Variants in SGPP2 observed in about 807,000 individuals in gnomAD.
SGPP2 encodes sphingosine-1-phosphate phosphatase 2, also known as sphingosine 1-phosphate phosphohydrolase 2.
Under a neutral mutation model 33.9 loss-of-function variants are expected in SGPP2, and 30 were observed. The ratio of observed to expected loss-of-function variants is 0.89; its 90% CI spans 0.66 to 1.20. The LOEUF (loss-of-function observed/expected upper bound fraction) is 1.20. SGPP2 is among the 50% of genes most tolerant of loss of function. The probability of loss-of-function intolerance (pLI) is 0.00; values close to 1 mark genes in which losing one functional copy is unlikely to be tolerated. For missense variants in SGPP2, 458 were observed against 532.1 expected (o/e 0.86, Z 1.37); for synonymous variants, 233 against 225.0 (o/e 1.04, Z -0.32).
chr2:222,511,442 G>A (rs1261247877), intron 2 of SGPP2, among the ~76,000 whole-genome samples: 2 of 152,150 alleles, frequency 1.3e-5, no homozygotes, highest in East Asian at 3.9e-4. Flanking sequence ...AGTTTACTAA[G>A]GTGTTAATGG....
At chr2:222,490,246 A>ACCCT (rs563665122) in intron 2 of SGPP2, among the ~76,000 whole-genome samples, 20 of 152,212 alleles carry the variant, frequency 1.3e-4, no homozygotes, top group Admixed American at 1.0e-3. Context: ...CATGGGATGG[A>ACCCT]CCCTGGTTCA....
intron 2 of SGPP2, among the ~76,000 whole-genome samples, chr2:222,512,400 C>T (rs1209864018): frequency 6.6e-6 from 1 of 152,032 alleles, no homozygotes; most frequent in Admixed American, 6.5e-5. Context: ...CCCCACGCCA[C>T]ATACACACAA....
At chr2:222,449,554 C>T (rs1251335892) in intron 1 of SGPP2, among the ~76,000 whole-genome samples, 1 of 151,194 alleles carries the variant, frequency 6.6e-6, no homozygotes, top group Non-Finnish European at 1.5e-5. Flanking sequence ...ACTGCAACCT[C>T]TGCCTCCCAA....
At chr2:222,429,709 A>G (rs1166089018) in intron 1 of SGPP2, among the ~76,000 whole-genome samples, 1 of 152,218 alleles carries the variant, frequency 6.6e-6, no homozygotes, top group East Asian at 1.9e-4. Context: ...ACATCTTTGT[A>G]CAAGTATCTC....
chr2:222,443,109 A>G (rs1697350773), intron 1 of SGPP2, among the ~76,000 whole-genome samples: 1 of 152,226 alleles, frequency 6.6e-6, no homozygotes, highest in African/African-American at 2.4e-5. Flanking sequence ...TGGAAATGTT[A>G]CCAGAATGGC....
intron 2 of SGPP2, among the ~76,000 whole-genome samples, chr2:222,509,728 TG>T (rs1277043754): frequency 6.6e-6 from 1 of 152,232 alleles, no homozygotes; most frequent in Admixed American, 6.5e-5. Flanking sequence ...GGACTTATCT[TG>T]ATGTCTCATT....
At chr2:222,542,912 C>T (rs1699019274) in intron 4 of SGPP2, among the ~76,000 whole-genome samples, 1 of 151,810 alleles carries the variant, frequency 6.6e-6, no homozygotes, top group Non-Finnish European at 1.5e-5. Flanking sequence ...ACCTCAGGGT[C>T]CTGAGTAGCT....
intron 2 of SGPP2, among the ~76,000 whole-genome samples, chr2:222,483,112 G>T (rs1485060365): frequency 6.6e-6 from 1 of 152,204 alleles, no homozygotes; most frequent in Non-Finnish European, 1.5e-5. Flanking sequence ...TTCATCGCTT[G>T]TGCAGACTGA....
At chr2:222,487,236 A>G (rs781316851) in intron 2 of SGPP2, among the ~76,000 whole-genome samples, 3 of 152,200 alleles carry the variant, frequency 2.0e-5, no homozygotes, top group Non-Finnish European at 4.4e-5. Flanking sequence ...AAAATTGCTC[A>G]GCCTCTATTT....
chr2:222,514,657 A>G (rs2106128008), intron 2 of SGPP2, among the ~76,000 whole-genome samples: 1 of 152,394 alleles, frequency 6.6e-6, no homozygotes, highest in South Asian at 2.1e-4. Flanking sequence ...TCAGAGGATT[A>G]CAGATGGATT....
chr2:222,444,187 G>T (rs1314598290), intron 1 of SGPP2, among the ~76,000 whole-genome samples: 2 of 152,188 alleles, frequency 1.3e-5, no homozygotes, highest in Non-Finnish European at 2.9e-5. Flanking sequence ...CATACAGATG[G>T]TGCAGATCTA....
At chr2:222,462,041 T>C (rs1295109050) in intron 1 of SGPP2, among the ~76,000 whole-genome samples, 1 of 151,950 alleles carries the variant, frequency 6.6e-6, no homozygotes, top group African/African-American at 2.4e-5. Flanking sequence ...CCCAGGTCGT[T>C]CTTTATTTCT....
intron 2 of SGPP2, among the ~76,000 whole-genome samples, chr2:222,517,586 G>C (rs1043708318): frequency 3.3e-5 from 5 of 152,122 alleles, no homozygotes; most frequent in African/African-American, 1.2e-4. Context: ...AAGAACCCAG[G>C]TGCCAAGATG....
chr2:222,434,780 A>C (rs1424074944), intron 1 of SGPP2, among the ~76,000 whole-genome samples: 1 of 152,068 alleles, frequency 6.6e-6, no homozygotes, highest in Admixed American at 6.5e-5. Context: ...TGCTGGGGTA[A>C]TGTGTCGGCA....
chr2:222,540,576 C>T (rs1165770523), intron 4 of SGPP2, among the ~76,000 whole-genome samples: 1 of 152,188 alleles, frequency 6.6e-6, no homozygotes, highest in Non-Finnish European at 1.5e-5. Context: ...CCCCAGCACA[C>T]AGTTCCCAGC....
chr2:222,467,168 C>T (rs556162389), intron 1 of SGPP2, among the ~76,000 whole-genome samples: 20 of 152,310 alleles, frequency 1.3e-4, no homozygotes, highest in African/African-American at 4.3e-4. Flanking sequence ...AACATGGCAA[C>T]GTCAACATCA....
At chr2:222,485,519 T>A (rs751318638) in intron 2 of SGPP2, among the ~76,000 whole-genome samples, 40 of 152,228 alleles carry the variant, frequency 2.6e-4, no homozygotes, top group Non-Finnish European at 5.3e-4. Context: ...TCCTGTGGGC[T>A]TGTCATTCCT....
chr2:222,526,875 T>G (rs529891204), intron 4 of SGPP2, among the ~76,000 whole-genome samples: 4 of 151,154 alleles, frequency 2.6e-5, no homozygotes, highest in Non-Finnish European at 4.4e-5. Flanking sequence ...AGGTTGGGGG[T>G]GAGGGGAGGA....
In SGPP2 at chr2:222,559,168, C is replaced by T. The variant is rs866394865; in HGVS notation, c.*270C>T. The stretch of plus-strand genomic sequence containing the variant: ...TTTAAAGGCACACACCGCGCCCCCC[C>T]CCCCCCCGCCCGGCCCCTGCTCCTC... On this transcript the variant is annotated 3_prime_UTR_variant, in exon 5 of 5. Transcript: ENST00000321276. 10 of 107,288 alleles carry T rather than the reference C, an allele frequency of 9.3e-5. 1 individual carries two copies. The highest frequency in any genetic ancestry group is 3.0e-4 in the African/African-American group (6 of 20,276). The allele number at this position is 107,288 out of a possible 1,614,324, so 6.6% of individuals were successfully genotyped here. A position where few individuals can be genotyped will look rare whatever the true frequency, so the allele number is the denominator to read the frequency against.
Sources: allele counts gnomAD v4.1 joint callset (sites outside exome capture counted in the v4.1 genomes callset), GRCh38; gene constraint gnomAD v4.1.1; transcripts MANE v1.5; gene names NCBI Gene and HGNC (gene_info 2026-07-23, HGNC 2026-07-21).